The following SERPINI2 variants were observed in gnomAD, a reference collection of about 807,000 sequenced individuals.
SERPINI2 encodes the protein serpin I2.
A neutral mutation model predicts 47.3 loss-of-function variants in SERPINI2; 48 were observed. The ratio of observed to expected loss-of-function variants is 1.02; its 90% CI spans 0.81 to 1.29. The LOEUF is 1.29. Ranked by LOEUF, SERPINI2 falls within the 50% of genes most tolerant of loss-of-function variation. The pLI is 0.00. For synonymous variants in SERPINI2, 135 were observed against 149.3 expected, an observed-to-expected ratio of 0.90 and a Z score of 0.70; for missense variants, 448 against 456.9, an observed-to-expected ratio of 0.98 and a Z score of 0.18.
At chr3:167,473,921 A>G in intron 1 of SERPINI2, 82 bp downstream of exon 1, 1 of 1,175,742 alleles carries the variant, frequency 8.5e-7, no homozygotes. Context: ...TTGAAATGCC[A>G]TTCCATACTC....
At chr3:167,446,340 C>G in intron 8 of SERPINI2, 52 bp downstream of exon 8, 2 of 1,222,870 alleles carry the variant, frequency 1.6e-6, no homozygotes, top group Non-Finnish European at 2.4e-6. Flanking sequence ...GAAACTGGAA[C>G]TAGTTCTGCT....
intron 8 of SERPINI2, among the ~76,000 whole-genome samples, chr3:167,443,769 T>A (rs940162801): frequency 4.6e-5 from 7 of 152,214 alleles, no homozygotes; most frequent in Non-Finnish European, 8.8e-5. Context: ...GCCTTTTCAA[T>A]CTGTCTCTTT....
chr3:167,458,337 G>T (rs761787376), intron 5 of SERPINI2, among the ~76,000 whole-genome samples: 39 of 140,830 alleles, frequency 2.8e-4, no homozygotes, highest in Non-Finnish European at 5.0e-4. Context: ...TGCAAGCTCC[G>T]CCTCCCAGGT....
At chr3:167,447,569 A>G in intron 7 of SERPINI2, among the ~76,000 whole-genome samples, 1 of 152,224 alleles carries the variant, frequency 6.6e-6, no homozygotes, top group South Asian at 2.1e-4. Flanking sequence ...ACAGTGGGCA[A>G]TAACATAAAG....
intron 6 of SERPINI2, among the ~76,000 whole-genome samples, chr3:167,450,679 C>T (rs1251615099): frequency 2.6e-5 from 4 of 152,194 alleles, no homozygotes; most frequent in East Asian, 1.9e-4. Flanking sequence ...TCTCAAGGTC[C>T]GGCAAATAAG....
In SERPINI2 at chr3:167,470,550, C is replaced by CTTTTTTTTTTTTTTTTTTT. The variant is rs536884425; in HGVS notation, c.247+1019_247+1037dup. On this transcript the variant is annotated intron_variant, in intron 2 of 8. Transcript: ENST00000264677. ...AGATAGCTGAGGAGATGAGCAACAA[C>CTTTTTTTTTTTTTTTTTTT]TTTTTTTTTTTTTTTTTTTTTTTTT... Among the ~76,000 whole-genome samples the CTTTTTTTTTTTTTTTTTTT allele has an allele frequency of 1.5e-4, 14 of 93,036 alleles. 1 individual carries two copies. The highest frequency in any genetic ancestry group is 6.8e-4 in the African/African-American group (12 of 17,628). The allele number at this position is 93,036 out of a possible 152,430, so 61.0% of individuals were successfully genotyped here.
intron 5 of SERPINI2, among the ~76,000 whole-genome samples, chr3:167,459,604 A>C (rs1198932180): frequency 6.6e-6 from 1 of 152,044 alleles, no homozygotes; most frequent in African/African-American, 2.4e-5. Context: ...AGTATTTCTT[A>C]AGCAGTAACT....
chr3:167,462,257 G>T (rs1272592679), intron 5 of SERPINI2, among the ~76,000 whole-genome samples: 1 of 149,844 alleles, frequency 6.7e-6, no homozygotes, highest in Non-Finnish European at 1.5e-5. Context: ...AGTTGTTCTT[G>T]TATTAGTTTG....
intron 7 of SERPINI2, among the ~76,000 whole-genome samples, chr3:167,449,065 A>G (rs1344025878): frequency 6.6e-6 from 1 of 152,238 alleles, no homozygotes; most frequent in Non-Finnish European, 1.5e-5. Context: ...AGGTAATCCA[A>G]TTCGCAAGTA....
At chr3:167,447,610 T>C (rs1364418528) in intron 7 of SERPINI2, among the ~76,000 whole-genome samples, 2 of 152,072 alleles carry the variant, frequency 1.3e-5, no homozygotes, top group African/African-American at 4.8e-5. Flanking sequence ...GGAACATGAG[T>C]TGCGTTCAAA....
chr3:167,467,488 A>G (rs1348776718), intron 2 of SERPINI2, among the ~76,000 whole-genome samples: 1 of 152,144 alleles, frequency 6.6e-6, no homozygotes, highest in East Asian at 1.9e-4. Context: ...CATCTTTTAT[A>G]TAGAAAAAAG....
chr3:167,449,713 G>A (rs554976582), intron 6 of SERPINI2, among the ~76,000 whole-genome samples: 73 of 152,056 alleles, frequency 4.8e-4, no homozygotes, highest in African/African-American at 1.3e-3. Context: ...AGGTGGTCCC[G>A]AACTCCTGAC....
At chr3:167,473,184 A>G (rs929105790) in intron 1 of SERPINI2, among the ~76,000 whole-genome samples, 3 of 151,740 alleles carry the variant, frequency 2.0e-5, no homozygotes, top group African/African-American at 7.2e-5. Flanking sequence ...ATATATTTGC[A>G]AAAGACAAAA....
At chr3:167,456,785 G>T (rs1165268633) in intron 5 of SERPINI2, among the ~76,000 whole-genome samples, 3 of 152,152 alleles carry the variant, frequency 2.0e-5, no homozygotes, top group African/African-American at 7.2e-5. Context: ...GCGATATGAT[G>T]GGGGGCCACC....
intron 5 of SERPINI2, among the ~76,000 whole-genome samples, chr3:167,463,252 T>A (rs1040100510): frequency 1.3e-5 from 2 of 152,034 alleles, no homozygotes; most frequent in African/African-American, 4.8e-5. Flanking sequence ...AAACCATCTG[T>A]CATACACACC....
chr3:167,468,267 TAA>T (rs1227953305), intron 2 of SERPINI2, among the ~76,000 whole-genome samples: 1 of 152,192 alleles, frequency 6.6e-6, no homozygotes, highest in Non-Finnish European at 1.5e-5. Flanking sequence ...CGGGTATTAC[TAA>T]GAGGGACTTA....
rs1399675583 is a variant in SERPINI2 at position 167,460,203 on chromosome 3, ATACT to A, written c.866+4999_866+5002del. ...ATTAAGCTGTTCCAATTTTATCAAAATACTTAGTTATCAGTTTGAAAACCATTTC... is the reference window on the plus strand; with the variant it reads ...ATTAAGCTGTTCCAATTTTATCAAAATAGTTATCAGTTTGAAAACCATTTC... On this transcript the variant is annotated intron_variant, in intron 5 of 8. Transcript: ENST00000264677. 1.1e-4 allele frequency among the ~76,000 whole-genome samples: 16 copies of A among 152,356 alleles called. No homozygotes were observed. The East Asian group carries it at 3.1e-3, about 29-fold the overall frequency.
intron 6 of SERPINI2, among the ~76,000 whole-genome samples, chr3:167,450,331 C>G (rs1454726641): frequency 6.6e-6 from 1 of 152,062 alleles, no homozygotes; most frequent in Non-Finnish European, 1.5e-5. Flanking sequence ...CTTTTTCTCC[C>G]CTTGGTGGAA....
chr3:167,473,453 C>T (rs886212519), intron 1 of SERPINI2, among the ~76,000 whole-genome samples: 11 of 151,468 alleles, frequency 7.3e-5, no homozygotes, highest in East Asian at 1.9e-4. Context: ...TTTGTAGATA[C>T]GTAGTCAAAA....
Sources: gnomAD v4.1 joint callset for allele counts (sites outside exome capture counted in the v4.1 genomes callset) on GRCh38, gnomAD v4.1.1 for gene constraint, MANE v1.5 for transcripts, NCBI Gene and HGNC (gene_info 2026-07-23, HGNC 2026-07-21) for gene names.